ZNF345: variants seen among roughly 807,000 people sequenced by gnomAD.
ZNF345 encodes the protein zinc finger protein 345.
For synonymous variants in ZNF345, 166 were observed against 187.9 expected (o/e 0.88, Z 0.95); for missense variants, 527 against 589.9 (o/e 0.89, Z 1.10).
At chr19:36,869,903 A>G (rs1451654775) in intron 2 of ZNF345, among the ~76,000 whole-genome samples, 1 of 152,038 alleles carries the variant, frequency 6.6e-6, no homozygotes, top group Admixed American at 6.6e-5. Context: ...CTGGGATTAC[A>G]GGCACATGCC....
chr19:36,889,883 A>G (rs917219767), intron 3 of ZNF345: 11 of 151,996 alleles, frequency 7.2e-5, no homozygotes, highest in African/African-American at 9.7e-5. Flanking sequence ...AGATTTTTCT[A>G]TCTTTTTGGT....
At chr19:36,873,189 T>C (rs1237344014) in intron 2 of ZNF345, among the ~76,000 whole-genome samples, 1 of 152,142 alleles carries the variant, frequency 6.6e-6, no homozygotes, top group Non-Finnish European at 1.5e-5. Context: ...ATTATTCTAT[T>C]CTTGTATCAT....
chr19:36,888,274 T>C (rs369847259), intron 3 of ZNF345: 3 of 152,162 alleles, frequency 2.0e-5, no homozygotes, highest in South Asian at 4.1e-4. Flanking sequence ...TTTAATAGTA[T>C]ACATATTCCA....
chr19:36,855,342 G>A (rs889867905), intron 2 of ZNF345, among the ~76,000 whole-genome samples: 3 of 150,674 alleles, frequency 2.0e-5, no homozygotes, highest in African/African-American at 7.3e-5. Flanking sequence ...GTAGAGACGG[G>A]GTTTCACGGT....
intron 2 of ZNF345, among the ~76,000 whole-genome samples, chr19:36,858,717 G>T (rs902166401): frequency 1.1e-4 from 16 of 152,170 alleles, no homozygotes; most frequent in Non-Finnish European, 2.2e-4. Context: ...AGGGAGCCAA[G>T]ATTGCACCAC....
rs2072638080 is a variant in ZNF345, at chr19:36,865,429, A to T, written c.-46-11356A>T. On this transcript the variant is annotated intron_variant, in intron 2 of 2. Coordinates refer to ENST00000420450, the MANE Select transcript of ZNF345 (RefSeq NM_001242472.2). ...TTTATCTAAGACTGACTTTGCTGTGAGATAGGGATATAATACTTTTCAAAA... is the reference window on the plus strand; with the variant it reads ...TTTATCTAAGACTGACTTTGCTGTGTGATAGGGATATAATACTTTTCAAAA... Among the ~76,000 whole-genome samples, 2 of 152,128 alleles carry T rather than the reference A, an allele frequency of 1.3e-5. 1 individual carries two copies. Among genetic ancestry groups the T allele is most frequent in the South Asian group, 4.1e-4 (2 of 4,824 alleles).
intron 2 of ZNF345, among the ~76,000 whole-genome samples, chr19:36,870,501 G>C (rs1249731996): frequency 1.3e-5 from 2 of 151,984 alleles, no homozygotes; most frequent in South Asian, 2.1e-4. Context: ...CCTGTTTCTT[G>C]GTTTGGTTCT....
intron 2 of ZNF345, among the ~76,000 whole-genome samples, chr19:36,871,422 C>CGG (rs1240088709): frequency 4.6e-5 from 7 of 152,218 alleles, no homozygotes; most frequent in African/African-American, 1.7e-4. Context: ...AATACACACA[C>CGG]ATACACTTTT....
rs983494795 is a variant in ZNF345 at position 36,851,025 on chromosome 19, C to G, written c.-122+57C>G. 3 of 153,122 alleles carry G rather than the reference C, an allele frequency of 2.0e-5. No homozygotes were observed. Among genetic ancestry groups the G allele is most frequent in the Non-Finnish European group, 4.4e-5 (3 of 68,720 alleles). 9.5% of individuals were successfully genotyped at this position (153,122 alleles called of 1,614,324 possible). ...AGGAACTCCCGACCTGTGTGGGCTGCGTGGGGAACAGGCTAAGGAGCGATT... is the reference window on the plus strand; with the variant it reads ...AGGAACTCCCGACCTGTGTGGGCTGGGTGGGGAACAGGCTAAGGAGCGATT... On this transcript the variant is annotated intron_variant, in intron 1 of 2. Transcript: ENST00000420450.
chr19:36,881,519 A>G (rs1366570285), downstream of ZNF345, among the ~76,000 whole-genome samples: 2 of 152,190 alleles, frequency 1.3e-5, no homozygotes, highest in Non-Finnish European at 2.9e-5. Context: ...CCTGTAGCCA[A>G]AGTCTCTTTT....
chr19:36,875,310 G>C (rs531760106), intron 2 of ZNF345, among the ~76,000 whole-genome samples: 1 of 152,292 alleles, frequency 6.6e-6, no homozygotes, highest in East Asian at 1.9e-4. Flanking sequence ...ATATTTTAAA[G>C]ATACATCATT....
Position 36,877,542 on chromosome 19 carries a change from G to A in ZNF345, c.712G>A (p.Ala238Thr), listed in dbSNP as rs1190062385. The change falls in exon 3 of 3, where the codon GCC (alanine) becomes ACC (threonine). Residue 238 changes from alanine to threonine, a missense_variant. Physicochemically the swap from Ala to Thr is moderately conservative, Grantham distance 58. Coordinates refer to ENST00000420450, the MANE Select transcript of ZNF345 (RefSeq NM_001242472.2). ...TTATGAATGCAAAGCATGTGGAATG[G>A]CCTTTAGCAGTGGTTCGGCTCTTAC... is the stretch of plus-strand genomic sequence containing the variant. ...KPYECKACGM[A>T]FSSGSALTRH... is the part of the protein sequence containing the mutation. 1 of 1,614,136 alleles carries A rather than the reference G, an allele frequency of 6.2e-7. No individual in the cohort carries two copies. The highest frequency in any genetic ancestry group is 1.1e-5 in the South Asian group (1 of 91,082).
chr19:36,892,521 A>T, intron 3 of ZNF345: 2 of 1,490,542 alleles, frequency 1.3e-6, no homozygotes, highest in Non-Finnish European at 1.8e-6. Flanking sequence ...GGGCAAGTTA[A>T]AACTTCTAAA....
At chr19:36,851,096 C>G (rs1468591244) in intron 1 of ZNF345, 128 bp downstream of exon 1, 1 of 152,736 alleles carries the variant, frequency 6.5e-6, no homozygotes, top group Non-Finnish European at 1.5e-5. Flanking sequence ...GTCTGTGCGA[C>G]CGTGTATGGA....
chr19:36,891,526 T>TCAG, intron 3 of ZNF345: 1 of 1,593,676 alleles, frequency 6.3e-7, no homozygotes, highest in Non-Finnish European at 8.5e-7. Flanking sequence ...GCGAATGAGG[T>TCAG]CAGAGCGACT....
chr19:36,882,461 G>GT (rs201542028), downstream of ZNF345, among the ~76,000 whole-genome samples: 22,845 of 152,136 alleles, frequency 0.15, 2,181 homozygotes, highest in Non-Finnish European at 0.22. Context: ...TAGAGACGGG[G>GT]TTTTACCATG....
intron 3 of ZNF345, chr19:36,892,262 T>C (rs766408345): frequency 6.2e-7 from 1 of 1,614,012 alleles, no homozygotes; most frequent in East Asian, 2.2e-5. Flanking sequence ...CCAAAATGAA[T>C]TCTCTGATGT....
chr19:36,874,606 CCCTGTATTACTAA>C (rs1356999539), intron 2 of ZNF345, among the ~76,000 whole-genome samples: 2 of 151,724 alleles, frequency 1.3e-5, no homozygotes, highest in Non-Finnish European at 1.5e-5. Flanking sequence ...CATAGAGAAA[CCCTGTATTACTAA>C]AAATACAAAA....
chr19:36,867,457 C>A (rs1157614313), intron 2 of ZNF345, among the ~76,000 whole-genome samples: 1 of 152,038 alleles, frequency 6.6e-6, no homozygotes, highest in Non-Finnish European at 1.5e-5. Flanking sequence ...AGTTTTAAAC[C>A]TTTTTCATCT....
Sources: allele counts gnomAD v4.1 joint callset (sites outside exome capture counted in the v4.1 genomes callset), GRCh38; gene constraint gnomAD v4.1.1; transcripts MANE v1.5; gene names NCBI Gene and HGNC (gene_info 2026-07-23, HGNC 2026-07-21).